Variants in CUX2 observed in about 807,000 individuals in gnomAD.
The protein encoded by CUX2 is cut like homeobox 2, also known as homeobox protein cut-like 2.
In CUX2, 40 loss-of-function variants were observed where a neutral mutation model predicts 144.8. The observed-to-expected ratio is 0.28, with a 90% CI of 0.21 to 0.36. The LOEUF (loss-of-function observed/expected upper bound fraction) is 0.36. CUX2 is among the 10% of genes least tolerant of loss of function. CUX2 has a pLI of 1.00. For missense variants in CUX2, 1,615 were observed against 1,994.0 expected (o/e 0.81, Z 3.62); for synonymous variants, 827 against 875.6 (o/e 0.94, Z 0.98).
chr12:111,145,090 G>A (rs753330136), intron 1 of CUX2, among the ~76,000 whole-genome samples: 2 of 152,292 alleles, frequency 1.3e-5, no homozygotes, highest in Middle Eastern at 3.4e-3. Context: ...TGAGCCATAA[G>A]CATTGATCTT....
At chr12:111,242,907 T>C (rs1464011432) in intron 3 of CUX2, among the ~76,000 whole-genome samples, 2 of 152,142 alleles carry the variant, frequency 1.3e-5, no homozygotes, top group African/African-American at 4.8e-5. Flanking sequence ...CCTGTGTCCA[T>C]GTGTTCTCAT....
intron 4 of CUX2, among the ~76,000 whole-genome samples, chr12:111,265,396 C>T (rs773215160): frequency 2.6e-5 from 4 of 151,140 alleles, no homozygotes; most frequent in Non-Finnish European, 4.4e-5. Context: ...GGCTGGAGTG[C>T]AGTAGCGCGA....
At chr12:111,265,404 C>T (rs533634981) in intron 4 of CUX2, among the ~76,000 whole-genome samples, 5 of 150,850 alleles carry the variant, frequency 3.3e-5, no homozygotes, top group Non-Finnish European at 5.9e-5. Context: ...TGCAGTAGCG[C>T]GATCTCAGCT....
intron 1 of CUX2, among the ~76,000 whole-genome samples, chr12:111,086,625 G>A (rs1187896972): frequency 6.6e-6 from 1 of 152,162 alleles, no homozygotes; most frequent in Non-Finnish European, 1.5e-5. Context: ...CTCTGTCTCC[G>A]AGGGTTTAAA....
Position 111,322,583 on chromosome 12 carries a change from G to A in CUX2, c.2926+3G>A, listed in dbSNP as rs750579450. 3 of 1,606,856 alleles carry A rather than the reference G, an allele frequency of 1.9e-6. No individual in the cohort carries two copies. Among genetic ancestry groups the A allele is most frequent in the South Asian group, 1.1e-5 (1 of 90,490 alleles). ...CCAGCAGCCTGGTGCCTCCCAGGGT[G>A]AGTGCGGGCAGGAGCATCTCAGGGG... On this transcript the variant is annotated splice_donor_region_variant and intron_variant, in intron 18 of 21. Transcript: ENST00000261726. The surrounding 1 kb of genome is among the most constrained non-coding windows in gnomAD (Gnocchi z 4.2).
At chr12:111,296,222 A>G (rs932923283) in intron 7 of CUX2, among the ~76,000 whole-genome samples, 1 of 151,952 alleles carries the variant, frequency 6.6e-6, no homozygotes, top group African/African-American at 2.4e-5. Flanking sequence ...ACCTAGGCCC[A>G]TGGAGAGACC....
chr12:111,261,092 T>G (rs1259847722), intron 3 of CUX2, among the ~76,000 whole-genome samples: 1 of 152,136 alleles, frequency 6.6e-6, no homozygotes, highest in African/African-American at 2.4e-5. Context: ...CTGGGGTAAT[T>G]TTTCTATCCA....
chr12:111,341,446 G>A (rs145638708), intron 20 of CUX2, among the ~76,000 whole-genome samples: 2 of 152,328 alleles, frequency 1.3e-5, no homozygotes, highest in East Asian at 1.9e-4. Context: ...GGGTGACAGC[G>A]TGAGACCTTG....
At chr12:111,203,704 A>G (rs926511412) in intron 1 of CUX2, among the ~76,000 whole-genome samples, 2 of 152,004 alleles carry the variant, frequency 1.3e-5, no homozygotes, top group African/African-American at 4.8e-5. Context: ...TGAGCAGAGG[A>G]GGAACAGGAT....
At chr12:111,044,483 C>G in intron 1 of CUX2, among the ~76,000 whole-genome samples, 1 of 152,022 alleles carries the variant, frequency 6.6e-6, no homozygotes, top group East Asian at 1.9e-4. Flanking sequence ...ACTTACTGTT[C>G]CCTCTCTCTG....
intron 1 of CUX2, among the ~76,000 whole-genome samples, chr12:111,081,647 T>C (rs1476543435): frequency 2.0e-5 from 3 of 151,858 alleles, no homozygotes; most frequent in Admixed American, 6.6e-5. Flanking sequence ...TTGGTGACAA[T>C]TGGGAGAAGT....
At chr12:111,268,839 C>T (rs1884508103) in intron 4 of CUX2, among the ~76,000 whole-genome samples, 2 of 152,204 alleles carry the variant, frequency 1.3e-5, no homozygotes, top group South Asian at 2.1e-4. Flanking sequence ...ACTGTGTCAG[C>T]GACAAATGAC....
At chr12:111,168,912 G>A (rs566943132) in intron 1 of CUX2, among the ~76,000 whole-genome samples, 16 of 152,138 alleles carry the variant, frequency 1.1e-4, no homozygotes, top group Middle Eastern at 6.8e-3. Context: ...TGTTATAGTC[G>A]CTCAGAGTAT....
chr12:111,133,765 A>C (rs1431603186), intron 1 of CUX2, among the ~76,000 whole-genome samples: 1 of 152,132 alleles, frequency 6.6e-6, no homozygotes, highest in Admixed American at 6.6e-5. Flanking sequence ...CAGCTACCTC[A>C]GGGGAGGCTG....
intron 3 of CUX2, among the ~76,000 whole-genome samples, chr12:111,219,646 T>C (rs1012001146): frequency 6.6e-6 from 1 of 152,172 alleles, no homozygotes. Context: ...TCATGTTGTT[T>C]TGAGGATTAA....
At chr12:111,073,333 A>G (rs1317676151) in intron 1 of CUX2, among the ~76,000 whole-genome samples, 1 of 152,064 alleles carries the variant, frequency 6.6e-6, no homozygotes, top group Admixed American at 6.5e-5. Flanking sequence ...GTGCGGCATT[A>G]CAGTTTGTTG....
At chr12:111,256,577 C>T (rs1592889162) in intron 3 of CUX2, among the ~76,000 whole-genome samples, 1 of 152,230 alleles carries the variant, frequency 6.6e-6, no homozygotes, top group East Asian at 1.9e-4. Context: ...CCACGGAACC[C>T]AGGGAAGGAG....
In CUX2 at chr12:111,171,670, A is replaced by G. The variant is rs1181617318; in HGVS notation, c.64-42530A>G. Reference sequence around the variant, plus strand: ...CAGCCTGTGGCCACAGTGATGCTGAAGGGGTTTGCAGGCCATAATTAGGGG... The same window carrying G: ...CAGCCTGTGGCCACAGTGATGCTGAGGGGGTTTGCAGGCCATAATTAGGGG... On this transcript the variant is annotated intron_variant, in intron 1 of 21. Coordinates refer to ENST00000261726, the MANE Select transcript of CUX2 (RefSeq NM_015267.4). This position sits in a 1 kb window ranked among gnomAD's most constrained non-coding sequence, Gnocchi z 5.0. Among the ~76,000 whole-genome samples the G allele has an allele frequency of 6.6e-6, 1 of 152,198 alleles. No individual in the cohort carries two copies. Among genetic ancestry groups the G allele is most frequent in the Non-Finnish European group, 1.5e-5 (1 of 68,040 alleles).
At chr12:111,069,699 C>G (rs1431971054) in intron 1 of CUX2, among the ~76,000 whole-genome samples, 5 of 152,102 alleles carry the variant, frequency 3.3e-5, no homozygotes, top group Admixed American at 1.3e-4. Flanking sequence ...ATACCCTGGG[C>G]ATGTCTGTGT....
Sources: gnomAD v4.1 joint callset for allele counts (sites outside exome capture counted in the v4.1 genomes callset) on GRCh38, gnomAD v4.1.1 for gene constraint, Gnocchi (gnomAD v3.1) non-coding constraint, MANE v1.5 for transcripts, NCBI Gene and HGNC (gene_info 2026-07-23, HGNC 2026-07-21) for gene names.